The following DLG2 variants were observed in gnomAD, a reference collection of about 807,000 sequenced individuals.
The protein encoded by DLG2 is disks large homolog 2.
A neutral mutation model predicts 132.5 loss-of-function variants in DLG2; 45 were observed. The ratio of observed to expected loss-of-function variants is 0.34; its 90% CI spans 0.27 to 0.44. The LOEUF (loss-of-function observed/expected upper bound fraction) is 0.44. Among genes scored for constraint, DLG2 ranks in the 20% least tolerant of loss-of-function variants. The probability of loss-of-function intolerance (pLI) is 1.00; values close to 1 mark genes in which losing one functional copy is unlikely to be tolerated. For missense variants in DLG2, 1,045 were observed against 1,196.9 expected, an observed-to-expected ratio of 0.87 and a Z score of 1.87; for synonymous variants, 424 against 419.6, an observed-to-expected ratio of 1.01 and a Z score of -0.13.
At chr11:84,712,396 AC>A (rs1376173966) in intron 6 of DLG2, among the ~76,000 whole-genome samples, 2 of 152,024 alleles carry the variant, frequency 1.3e-5, no homozygotes, top group East Asian at 3.9e-4. Flanking sequence ...CTTGTTTGGG[AC>A]ATTCAGCACC....
At chr11:83,826,105 A>G (rs1412024238) in intron 17 of DLG2, among the ~76,000 whole-genome samples, 1 of 152,176 alleles carries the variant, frequency 6.6e-6, no homozygotes, top group African/African-American at 2.4e-5. Context: ...GGCTTTAAAG[A>G]GAGCAGGAAA....
intron 19 of DLG2, among the ~76,000 whole-genome samples, chr11:83,568,763 A>G (rs1431754859): frequency 1.3e-5 from 2 of 152,120 alleles, no homozygotes; most frequent in African/African-American, 4.8e-5. Flanking sequence ...CCAATAGATA[A>G]TTCTATCTCT....
At chr11:84,819,106 C>CACACAAA (rs769677741) in intron 6 of DLG2, among the ~76,000 whole-genome samples, 3 of 150,440 alleles carry the variant, frequency 2.0e-5, no homozygotes, top group Non-Finnish European at 4.4e-5. Context: ...CACACACACA[C>CACACAAA]AATTTCGTTT....
At chr11:85,577,824 C>G (rs1464764277) in intron 3 of DLG2, among the ~76,000 whole-genome samples, 2 of 152,030 alleles carry the variant, frequency 1.3e-5, no homozygotes, top group Non-Finnish European at 2.9e-5. Flanking sequence ...CCCAAAGCAA[C>G]TTATACATTC....
At position 84,125,723 on chromosome 11, in the gene DLG2, A is replaced by G. The variant is rs563578476; in HGVS notation, c.625-26676T>C. On this transcript the variant is annotated intron_variant, in intron 9 of 27. Coordinates refer to ENST00000376104, the MANE Select transcript of DLG2 (RefSeq NM_001142699.3). Reference sequence around the variant, plus strand: ...AGGACAACACAAGCTACAGGTTCCTATCACCATAGAGGACACATAAGATTT... The same window carrying G: ...AGGACAACACAAGCTACAGGTTCCTGTCACCATAGAGGACACATAAGATTT... 3.9e-5 allele frequency among the ~76,000 whole-genome samples: 6 copies of G among 152,366 alleles called. No individual in the cohort carries two copies. The East Asian group carries it at 1.2e-3, about 29-fold the overall frequency.
chr11:83,572,829 C>T (rs1303218977), intron 19 of DLG2, among the ~76,000 whole-genome samples: 1 of 152,072 alleles, frequency 6.6e-6, no homozygotes, highest in Non-Finnish European at 1.5e-5. Flanking sequence ...CTCCTTAATT[C>T]GTTACAGAGA....
chr11:84,738,620 T>C (rs1395153517), intron 6 of DLG2, among the ~76,000 whole-genome samples: 2 of 152,168 alleles, frequency 1.3e-5, no homozygotes, highest in Non-Finnish European at 1.5e-5. Context: ...CTTGGGAGTT[T>C]AACAATTCCA....
intron 18 of DLG2, among the ~76,000 whole-genome samples, chr11:83,634,729 G>A (rs2064345363): frequency 6.6e-6 from 1 of 152,184 alleles, no homozygotes; most frequent in African/African-American, 2.4e-5. Context: ...TACTGGATAT[G>A]TATTGATTAA....
intron 6 of DLG2, among the ~76,000 whole-genome samples, chr11:84,736,261 T>C (rs2063816742): frequency 6.6e-6 from 1 of 151,992 alleles, no homozygotes; most frequent in Non-Finnish European, 1.5e-5. Context: ...TACTATATTT[T>C]GGTTACTGCA....
At chr11:84,832,037 G>A (rs531330049) in intron 6 of DLG2, among the ~76,000 whole-genome samples, 1 of 151,702 alleles carries the variant, frequency 6.6e-6, no homozygotes, top group East Asian at 2.0e-4. Flanking sequence ...TCTGCCATAG[G>A]CACAGGAAAA....
At chr11:84,147,033 T>C (rs535116949) in intron 9 of DLG2, among the ~76,000 whole-genome samples, 1 of 152,206 alleles carries the variant, frequency 6.6e-6, no homozygotes, top group East Asian at 1.9e-4. Flanking sequence ...TGCTGCCCCC[T>C]CTCTGCTCCC....
rs530380726 is a variant in DLG2 at position 84,492,486 on chromosome 11, T to C, written c.519+42084A>G. Among the ~76,000 whole-genome samples the C allele has an allele frequency of 2.8e-4, 43 of 152,286 alleles. 1 individual carries two copies. The highest frequency in any genetic ancestry group is 1.9e-3 in the South Asian group (9 of 4,830). On this transcript the variant is annotated intron_variant, in intron 7 of 27. Transcript: ENST00000376104. ...GGACTGAGGCTTTGTAGCAGGTAAA[T>C]TAGAGTTTGAATACTGATTCTATCA...
At chr11:85,320,573 T>C (rs2080992286) in intron 3 of DLG2, among the ~76,000 whole-genome samples, 1 of 151,890 alleles carries the variant, frequency 6.6e-6, no homozygotes, top group African/African-American at 2.4e-5. Flanking sequence ...ATATATGATA[T>C]ATGTCAGGTA....
In DLG2 at chr11:83,875,981, G is replaced by T. The variant is rs573043985; in HGVS notation, c.1497-1493C>A. 1.0e-3 allele frequency among the ~76,000 whole-genome samples: 158 copies of T among 152,214 alleles called. 2 individuals are homozygous for T. The highest frequency in any genetic ancestry group is 3.7e-3 in the African/African-American group (153 of 41,544). On this transcript the variant is annotated intron_variant, in intron 15 of 27. Transcript: ENST00000376104. ...CTTCAAGTTAAAGACTGTGTTTCCT[G>T]GTATCCCTCACAGTGCCAAGATATT...
At chr11:85,097,973 C>T (rs1384184146) in intron 6 of DLG2, among the ~76,000 whole-genome samples, 1 of 152,138 alleles carries the variant, frequency 6.6e-6, no homozygotes, top group Non-Finnish European at 1.5e-5. Flanking sequence ...GGGCAACATA[C>T]ATGAAAGGAA....
intron 3 of DLG2, among the ~76,000 whole-genome samples, chr11:85,399,243 AAGG>A (rs1431645187): frequency 6.6e-6 from 1 of 152,210 alleles, no homozygotes; most frequent in Non-Finnish European, 1.5e-5. Flanking sequence ...GGACCTCTTC[AAGG>A]AGAACTACAA....
chr11:84,987,851 T>G (rs2056665842), intron 6 of DLG2, among the ~76,000 whole-genome samples: 1 of 152,178 alleles, frequency 6.6e-6, no homozygotes, highest in African/African-American at 2.4e-5. Context: ...TTCTGGGCAT[T>G]GGCTTATGCA....
rs78696901 is a variant in DLG2 at position 85,360,137 on chromosome 11, T to C, written c.41-74772A>G. On this transcript the variant is annotated intron_variant, in intron 3 of 27. Coordinates refer to ENST00000376104, the MANE Select transcript of DLG2 (RefSeq NM_001142699.3). Reference sequence around the variant, plus strand: ...GGAAAAGTCCTCTACAATTCAAAACTCCTGTGGTATGATTTTTAACACACT... The same window carrying C: ...GGAAAAGTCCTCTACAATTCAAAACCCCTGTGGTATGATTTTTAACACACT... Among the ~76,000 whole-genome samples, 96 of 152,320 alleles carry C rather than the reference T, an allele frequency of 6.3e-4. 1 individual carries two copies. The East Asian group carries it at 0.017, about 26-fold the overall frequency.
chr11:84,090,414 C>CAAAAAA (rs397848695), intron 10 of DLG2, among the ~76,000 whole-genome samples: 6 of 78,602 alleles, frequency 7.6e-5, no homozygotes, highest in South Asian at 5.1e-4. Context: ...GATTTCATCT[C>CAAAAAA]AAAAAAAAAA....
Sources: gnomAD v4.1 joint callset for allele counts (sites outside exome capture counted in the v4.1 genomes callset) on GRCh38, gnomAD v4.1.1 for gene constraint, MANE v1.5 for transcripts, NCBI Gene and HGNC (gene_info 2026-07-23, HGNC 2026-07-21) for gene names.